The following SYNPO2L variants were observed in gnomAD, a reference collection of about 807,000 sequenced individuals.
The protein encoded by SYNPO2L is synaptopodin 2 like.
A neutral mutation model predicts 47.5 loss-of-function variants in SYNPO2L; 34 were observed. The ratio of observed to expected loss-of-function variants is 0.72; its 90% CI spans 0.54 to 0.95. The LOEUF is 0.95. SYNPO2L is among the 40% of genes least tolerant of loss of function. SYNPO2L has a pLI of 0.00. For missense variants in SYNPO2L, 1,246 were observed against 1,282.0 expected, an observed-to-expected ratio of 0.97 and a Z score of 0.43; for synonymous variants, 536 against 524.9, an observed-to-expected ratio of 1.02 and a Z score of -0.29.
chr10:73,648,148 G>C lies in SYNPO2L; in HGVS notation c.1504C>G (p.Leu502Val), dbSNP rs764157215. 1 of 1,543,754 alleles carries C rather than the reference G, an allele frequency of 6.5e-7. No individual in the cohort carries two copies. The highest frequency in any genetic ancestry group is 8.7e-7 in the Non-Finnish European group (1 of 1,146,304). The change falls in exon 4 of 4, where the codon CTC (leucine) becomes GTC (valine). Residue 502 changes from leucine to valine, a missense_variant. Transcript: ENST00000394810. ...AAGAAGGGGGGTGGGGCGGGGCTGA[G>C]GCCCCCCAGGCTGTCGTTCGCCCTT... ...PKRANDSLGGLSPAPPPFLSS... is the reference protein window; with the variant it reads ...PKRANDSLGGVSPAPPPFLSS...
intron 3 of SYNPO2L, chr10:73,650,800 A>AAAGG (rs3832676): frequency 0.036 from 49,704 of 1,375,806 alleles, 5,484 homozygotes; most frequent in African/African-American, 0.33. Flanking sequence ...AGGACAGCAA[A>AAAGG]AAGGAACAAG....
Position 73,648,730 on chromosome 10 carries a change from ACTT to A in SYNPO2L, c.919_921del (p.Lys307del). 6.2e-7 allele frequency: 1 copy of A among 1,612,452 alleles called. No individual in the cohort carries two copies. The highest frequency in any genetic ancestry group is 8.5e-7 in the Non-Finnish European group (1 of 1,178,866). On this transcript the variant is annotated inframe_deletion, in exon 4 of 4. Coordinates refer to ENST00000394810, the MANE Select transcript of SYNPO2L (RefSeq NM_001114133.3). ...GCAGCCCCGAAGCTCACCAGGGTGT[ACTT>A]CTTGGCTCTCTGCCGCCGTTTCTTA... is the stretch of plus-strand genomic sequence containing the variant.
intron 3 of SYNPO2L, among the ~76,000 whole-genome samples, chr10:73,651,491 G>A (rs1255946653): frequency 6.6e-6 from 1 of 152,060 alleles, no homozygotes; most frequent in Admixed American, 6.6e-5. Flanking sequence ...ACTAGAGGGG[G>A]AATCATGAGA....
chr10:73,653,913 G>C (rs2081859883), intron 2 of SYNPO2L: 2 of 743,154 alleles, frequency 2.7e-6, no homozygotes, highest in Admixed American at 2.9e-5. Context: ...GTTGAAGTAG[G>C]CTCATCAGTC....
chr10:73,655,779 C>T (rs762052266), intron 1 of SYNPO2L, 39 bp downstream of exon 1: 1 of 1,279,856 alleles, frequency 7.8e-7, no homozygotes, highest in African/African-American at 1.6e-5. Flanking sequence ...CCCTTGGGTT[C>T]CCTTTCCCTG....
intron 3 of SYNPO2L, chr10:73,650,810 G>T: frequency 7.2e-7 from 1 of 1,389,998 alleles, no homozygotes; most frequent in South Asian, 1.9e-5. Context: ...AAAGGAACAA[G>T]AGAGTAAGAC....
At position 73,646,178 on chromosome 10, in the gene SYNPO2L, G is replaced by GCA. The variant is rs3219615; in HGVS notation, c.*538_*539dup. ...TCTTATTCATGCCTTAGACGGAAGA[G>GCA]CACACACACACACACACACACACAC... On this transcript the variant is annotated 3_prime_UTR_variant, in exon 4 of 4. Transcript: ENST00000394810. The GCA allele has an allele frequency of 0.38, 350,917 of 913,200 alleles. 11,924 individuals are homozygous for GCA. Among genetic ancestry groups the GCA allele is most frequent in the Admixed American group, 0.42 (6,041 of 14,240 alleles). 56.6% of individuals were successfully genotyped at this position (913,200 alleles called of 1,614,324 possible).
chr10:73,651,772 C>T (rs1352823056), intron 3 of SYNPO2L, among the ~76,000 whole-genome samples: 1 of 152,122 alleles, frequency 6.6e-6, no homozygotes, highest in Non-Finnish European at 1.5e-5. Context: ...TCAAAGGTGC[C>T]TGCTATTAAT....
At position 73,655,986 on chromosome 10, in the gene SYNPO2L, T is replaced by C; in HGVS notation, c.-64A>G. On this transcript the variant is annotated 5_prime_UTR_variant, in exon 1 of 4. Transcript: ENST00000394810. ...GTCCCCAGGAGAGAAGTTGAGGTGC[T>C]CGAACCCCGTCTGGGCTTCCTGTCC... 1.4e-6 allele frequency: 2 copies of C among 1,382,942 alleles called. No individual in the cohort carries two copies. The highest frequency in any genetic ancestry group is 9.8e-7 in the Non-Finnish European group (1 of 1,018,988). 85.7% of individuals were successfully genotyped at this position (1,382,942 alleles called of 1,614,324 possible). A position where few individuals can be genotyped will look rare whatever the true frequency, so the allele number is the denominator to read the frequency against.
At position 73,646,911 on chromosome 10, in the gene SYNPO2L, G is replaced by T; in HGVS notation, c.2741C>A (p.Thr914Lys). ...TGTTCTCCAGATGGGCTCATCCAGT[G>T]TAGTGGCTGCTCGGGGGGCAAGCAC... is the stretch of plus-strand genomic sequence containing the variant. Reference protein sequence around the residue: ...PTVLAPRAATTLDEPIWRTEL... With the variant: ...PTVLAPRAATKLDEPIWRTEL... Residue 914 changes from threonine to lysine, a missense_variant, in exon 4 of 4, where the codon ACA (threonine) becomes AAA (lysine). Coordinates refer to ENST00000394810, the MANE Select transcript of SYNPO2L (RefSeq NM_001114133.3). The T allele has an allele frequency of 6.3e-7, 1 of 1,584,076 alleles. No individual in the cohort carries two copies. Among genetic ancestry groups the T allele is most frequent in the Non-Finnish European group, 8.6e-7 (1 of 1,162,768 alleles).
rs1191109610 is a variant in SYNPO2L, at chr10:73,647,206, G to T, written c.2446C>A (p.Leu816Met). 5 of 1,614,014 alleles carry T rather than the reference G, an allele frequency of 3.1e-6. No homozygotes were observed. Among genetic ancestry groups the T allele is most frequent in the South Asian group, 1.1e-5 (1 of 91,084 alleles). The change falls in exon 4 of 4, where the codon CTG becomes ATG. Residue 816 changes from leucine to methionine, a missense_variant. By Grantham distance (15) the Leu-to-Met change is conservative. Transcript: ENST00000394810. Reference sequence around the variant, plus strand: ...GCCTGGGGGAAAAAGGGAGAGAGCAGTGGGTTGTAAGCAATAGGAGGCGGG... The same window carrying T: ...GCCTGGGGGAAAAAGGGAGAGAGCATTGGGTTGTAAGCAATAGGAGGCGGG... The part of the protein sequence containing the change: ...RAPPPIAYNP[L>M]LSPFFPQAAR...
rs140374242 is a variant in SYNPO2L at position 73,647,482 on chromosome 10, G to T, written c.2170C>A (p.Pro724Thr). ...PPPMTPKTPP[P>T]VAPKPPSRGL... is the part of the protein sequence containing the mutation. ...CGAGATGGGGGCTTAGGAGCCACTGGGGGTGGAGTCTTAGGAGTCATAGGG... is the reference window on the plus strand; with the variant it reads ...CGAGATGGGGGCTTAGGAGCCACTGTGGGTGGAGTCTTAGGAGTCATAGGG... Residue 724 changes from proline to threonine, a missense_variant, in exon 4 of 4, where the codon CCA becomes ACA. This residue lies in a region of SYNPO2L where 1,037 missense variants were observed against 1,021.5 expected (regional missense o/e 1.02). Coordinates refer to ENST00000394810, the MANE Select transcript of SYNPO2L (RefSeq NM_001114133.3). 3.1e-5 allele frequency: 50 copies of T among 1,592,754 alleles called. No individual in the cohort carries two copies. The African/African-American group carries it at 6.3e-4, about 20-fold the overall frequency.
intron 3 of SYNPO2L, 84 bp downstream of exon 3, chr10:73,653,055 A>G: frequency 7.2e-7 from 1 of 1,394,050 alleles, no homozygotes; most frequent in East Asian, 2.6e-5. Context: ...GTCCCAAGGT[A>G]GGGAGAATGT....
At position 73,645,168 on chromosome 10, in the gene SYNPO2L, AAC is replaced by A; in HGVS notation, c.*1548_*1549del. 3.4e-6 allele frequency: 4 copies of A among 1,182,390 alleles called. No individual in the cohort carries two copies. The highest frequency in any genetic ancestry group is 4.3e-6 in the Non-Finnish European group (4 of 939,372). 73.2% of individuals were successfully genotyped at this position (1,182,390 alleles called of 1,614,324 possible). On this transcript the variant is annotated 3_prime_UTR_variant, in exon 4 of 4. Transcript: ENST00000394810. ...GCAAGCTGCAGAAGACACACTGAAG[AAC>A]AGACTCAAGGAAAATCACACAGACA...
intron 1 of SYNPO2L, 54 bp from the exon 2 acceptor site, chr10:73,654,334 A>C: frequency 6.5e-7 from 1 of 1,542,602 alleles, no homozygotes; most frequent in African/African-American, 1.4e-5. Flanking sequence ...AGGGAATAGA[A>C]TGAAAGGAAA....
chr10:73,654,051 C>A (rs2081861051), intron 2 of SYNPO2L, 78 bp downstream of exon 2: 9 of 1,503,080 alleles, frequency 6.0e-6, no homozygotes, highest in Middle Eastern at 1.8e-4. Flanking sequence ...TTGCTAAAGC[C>A]AGGCCAGTGA....
chr10:73,648,690 G>A lies in SYNPO2L; in HGVS notation c.962C>T (p.Ala321Val). 1 of 1,610,194 alleles carries A rather than the reference G, an allele frequency of 6.2e-7. No homozygotes were observed. The highest frequency in any genetic ancestry group is 2.2e-5 in the East Asian group (1 of 44,758). ...VSFGAAAGTG[A>V]EEEDGVPPTS... Reference sequence around the variant, plus strand: ...GGGGGGAACGCCGTCCTCCTCCTCAGCGCCTGTCCCAGCAGCAGCCCCGAA... The same window carrying A: ...GGGGGGAACGCCGTCCTCCTCCTCAACGCCTGTCCCAGCAGCAGCCCCGAA... The change falls in exon 4 of 4, where the codon GCT becomes GTT. Residue 321 changes from alanine to valine, a missense_variant. This residue lies in a region of SYNPO2L where 1,037 missense variants were observed against 1,021.5 expected (regional missense o/e 1.02). Coordinates refer to ENST00000394810, the MANE Select transcript of SYNPO2L (RefSeq NM_001114133.3).
Position 73,653,298 on chromosome 10 carries a change from C to G in SYNPO2L, c.613G>C (p.Glu205Gln). The change falls in exon 3 of 4, where the codon GAG becomes CAG. Residue 205 changes from glutamate (E) to glutamine (Q), a missense_variant. Around this residue, in one of 3 missense-constraint regions of SYNPO2L, gnomAD observed 1,037 missense variants for 1,021.5 expected, o/e 1.02. Coordinates refer to ENST00000394810, the MANE Select transcript of SYNPO2L (RefSeq NM_001114133.3). ...GDSRVSSPSW[E>Q]DGAALQPPPA... ...GGTGGCTGAAGGGCTGCCCCATCCTCCCAAGACGGGGAGCTCACACGGCTG... is the reference window on the plus strand; with the variant it reads ...GGTGGCTGAAGGGCTGCCCCATCCTGCCAAGACGGGGAGCTCACACGGCTG... 6.4e-7 allele frequency: 1 copy of G among 1,551,426 alleles called. No individual in the cohort carries two copies. Among genetic ancestry groups the G allele is most frequent in the Admixed American group, 2.0e-5 (1 of 50,982 alleles).
At chr10:73,650,702 C>T in intron 3 of SYNPO2L, 1 of 985,376 alleles carries the variant, frequency 1.0e-6, no homozygotes, top group Non-Finnish European at 1.2e-6. Flanking sequence ...GAGTTTTCTA[C>T]AGCTCTTGTG....
Sources: allele counts gnomAD v4.1 joint callset (sites outside exome capture counted in the v4.1 genomes callset), GRCh38; gene constraint gnomAD v4.1.1; regional missense constraint gnomAD v4.1.1; transcripts MANE v1.5; gene names NCBI Gene and HGNC (gene_info 2026-07-23, HGNC 2026-07-21).